ARMC2: variants seen among roughly 807,000 people sequenced by gnomAD.
ARMC2 encodes armadillo repeat containing 2.
Under a neutral mutation model 90.3 loss-of-function variants are expected in ARMC2, and 67 were observed. The observed-to-expected ratio is 0.74, with a 90% CI of 0.61 to 0.91. The LOEUF (loss-of-function observed/expected upper bound fraction) is 0.91. Among genes scored for constraint, ARMC2 ranks in the 40% least tolerant of loss-of-function variants. The probability of loss-of-function intolerance (pLI) is 0.00; values close to 1 mark genes in which losing one functional copy is unlikely to be tolerated. For missense variants in ARMC2, 920 were observed against 1,030.9 expected, an observed-to-expected ratio of 0.89 and a Z score of 1.47; for synonymous variants, 393 against 393.0, an observed-to-expected ratio of 1.00 and a Z score of 0.00.
At chr6:109,009,539 C>T in the ARMC2 span, 1 of 1,136,422 alleles carries the variant, frequency 8.8e-7, no homozygotes, top group Non-Finnish European at 1.1e-6. Context: ...TGCAGCGCCT[C>T]AGTCAGCACG....
chr6:108,921,920 G>A (rs975306603), intron 10 of ARMC2, among the ~76,000 whole-genome samples: 1 of 152,220 alleles, frequency 6.6e-6, no homozygotes, highest in African/African-American at 2.4e-5. Context: ...GCCAAATAGA[G>A]TAGGGAGGCA....
At chr6:109,024,997 G>A in the ARMC2 span, among the ~76,000 whole-genome samples, 1 of 152,138 alleles carries the variant, frequency 6.6e-6, no homozygotes, top group Non-Finnish European at 1.5e-5. Flanking sequence ...AGTCTAGGGA[G>A]ACAGTGAGCA....
intron 10 of ARMC2, among the ~76,000 whole-genome samples, chr6:108,922,068 C>A (rs1774631045): frequency 6.6e-6 from 1 of 152,094 alleles, no homozygotes; most frequent in East Asian, 1.9e-4. Context: ...CTGGTGAGTT[C>A]CTTGAGGACA....
At chr6:108,886,912 T>G (rs552401396) in intron 5 of ARMC2, among the ~76,000 whole-genome samples, 1 of 151,868 alleles carries the variant, frequency 6.6e-6, no homozygotes, top group Non-Finnish European at 1.5e-5. Flanking sequence ...GTTTTGTTTT[T>G]TTTTTTGAGA....
chr6:108,937,061 C>T (rs1258922497), intron 12 of ARMC2, 62 bp downstream of exon 12: 2 of 1,362,610 alleles, frequency 1.5e-6, no homozygotes, highest in Non-Finnish European at 2.0e-6. Context: ...TGTGTAAGCC[C>T]ATGTTAAATG....
At chr6:109,046,669 G>A in the ARMC2 span, among the ~76,000 whole-genome samples, 3 of 137,710 alleles carry the variant, frequency 2.2e-5, no homozygotes, top group Non-Finnish European at 4.8e-5. Flanking sequence ...ATCACATCTA[G>A]GAAGTGAGGA....
the ARMC2 span, among the ~76,000 whole-genome samples, chr6:108,993,312 C>T: frequency 6.6e-6 from 1 of 152,144 alleles, no homozygotes; most frequent in Non-Finnish European, 1.5e-5. Flanking sequence ...TAATATGTAA[C>T]ATGATCAAAG....
At chr6:108,990,874 T>C in the ARMC2 span, 1 of 1,550,744 alleles carries the variant, frequency 6.4e-7, no homozygotes, top group Non-Finnish European at 8.9e-7. Context: ...ATAAATGTGG[T>C]CAAGTACAGT....
chr6:108,915,861 G>A (rs1038018082), intron 10 of ARMC2, among the ~76,000 whole-genome samples: 2 of 152,138 alleles, frequency 1.3e-5, no homozygotes, highest in Non-Finnish European at 2.9e-5. Context: ...AGATGAATGT[G>A]CACAAAATGT....
At chr6:109,051,150 C>CAA in the ARMC2 span, among the ~76,000 whole-genome samples, 25 of 146,348 alleles carry the variant, frequency 1.7e-4, no homozygotes, top group African/African-American at 5.7e-4. Context: ...CTCTTAAAAA[C>CAA]AAAAAAAAAC....
chr6:108,900,805 G>A (rs558588382), intron 7 of ARMC2, among the ~76,000 whole-genome samples: 9 of 152,250 alleles, frequency 5.9e-5, no homozygotes, highest in African/African-American at 1.9e-4. Context: ...GTTCTCACCT[G>A]CCAGATGAGG....
Position 108,870,250 on chromosome 6 carries a change from A to G in ARMC2, c.463+1255A>G, listed in dbSNP as rs180718135. On this transcript the variant is annotated intron_variant, in intron 4 of 17. Transcript: ENST00000392644. ...TATTTTTTTTTAATTCATTTCCAAC[A>G]TTTAAAAGGTAGAAGAATCTCATGG... 2.0e-3 allele frequency among the ~76,000 whole-genome samples: 306 copies of G among 152,176 alleles called. 3 individuals carry two copies. The highest frequency in any genetic ancestry group is 2.8e-3 in the Non-Finnish European group (189 of 67,976).
the ARMC2 span, among the ~76,000 whole-genome samples, chr6:109,026,186 G>T: frequency 6.6e-6 from 1 of 152,078 alleles, no homozygotes; most frequent in Non-Finnish European, 1.5e-5. Context: ...TTTAACACAT[G>T]AAACTATCTT....
At chr6:108,870,058 A>G (rs897158431) in intron 4 of ARMC2, among the ~76,000 whole-genome samples, 3 of 152,106 alleles carry the variant, frequency 2.0e-5, no homozygotes, top group African/African-American at 7.3e-5. Flanking sequence ...TGTGTGGTCA[A>G]AAAAAGTGGA....
chr6:108,978,762 C>T (rs1284522485), downstream of ARMC2, among the ~76,000 whole-genome samples: 1 of 151,788 alleles, frequency 6.6e-6, no homozygotes, highest in African/African-American at 2.4e-5. Flanking sequence ...CCTTCTTTGT[C>T]TCTTTTGTTC....
chr6:108,926,833 T>G (rs1276915961), intron 10 of ARMC2, among the ~76,000 whole-genome samples: 1 of 152,164 alleles, frequency 6.6e-6, no homozygotes, highest in Non-Finnish European at 1.5e-5. Context: ...CTTCCAATGT[T>G]TGGGATACTG....
chr6:108,933,472 C>G (rs1452319850), intron 11 of ARMC2, among the ~76,000 whole-genome samples: 1 of 152,094 alleles, frequency 6.6e-6, no homozygotes, highest in Non-Finnish European at 1.5e-5. Flanking sequence ...TGGGCTGAGA[C>G]TGTGGGGTTT....
intron 10 of ARMC2, among the ~76,000 whole-genome samples, chr6:108,924,285 A>T (rs1191520395): frequency 3.9e-5 from 6 of 152,092 alleles, no homozygotes; most frequent in African/African-American, 1.2e-4. Flanking sequence ...TGGGAGGCCG[A>T]GGCGGGCGGA....
intron 16 of ARMC2, 81 bp from the exon 17 acceptor site, chr6:108,964,899 G>A: frequency 9.5e-7 from 1 of 1,050,648 alleles, no homozygotes; most frequent in Non-Finnish European, 1.4e-6. Context: ...ATCACAGAAG[G>A]ATAATCATTA....
Sources: allele counts gnomAD v4.1 joint callset (sites outside exome capture counted in the v4.1 genomes callset), GRCh38; gene constraint gnomAD v4.1.1; transcripts MANE v1.5; gene names NCBI Gene and HGNC (gene_info 2026-07-23, HGNC 2026-07-21).